Variants in ARNT observed in about 807,000 individuals in gnomAD.
ARNT encodes class E basic helix-loop-helix protein 2.
Under a neutral mutation model 105.0 loss-of-function variants are expected in ARNT, and 30 were observed. The ratio of observed to expected loss-of-function variants is 0.29; its 90% CI spans 0.21 to 0.39. ARNT has a LOEUF of 0.39. Among genes scored for constraint, ARNT ranks in the 10% least tolerant of loss-of-function variants. The pLI, the probability that ARNT is intolerant of heterozygous loss-of-function variation, is 1.00. For missense variants in ARNT, 748 were observed against 978.7 expected, an observed-to-expected ratio of 0.76 and a Z score of 3.15; for synonymous variants, 304 against 344.0, an observed-to-expected ratio of 0.88 and a Z score of 1.29.
intron 1 of ARNT, among the ~76,000 whole-genome samples, chr1:150,870,804 C>T (rs1205174949): frequency 6.6e-6 from 1 of 151,992 alleles, no homozygotes; most frequent in Non-Finnish European, 1.5e-5. Flanking sequence ...CCACCATGTC[C>T]AGCCCTAAGT....
At position 150,817,780 on chromosome 1, in the gene ARNT, TCCAGCCTGAGCAA is replaced by T. The variant is rs1162899348; in HGVS notation, c.1505+127_1505+139del. The T allele has an allele frequency of 5.1e-5, 34 of 669,010 alleles. No individual in the cohort carries two copies. The East Asian group carries it at 7.5e-4, about 15-fold the overall frequency. The allele number at this position is 669,010 out of a possible 1,614,324, so 41.4% of individuals were successfully genotyped here. On this transcript the variant is annotated intron_variant, in intron 15 of 21. Transcript: ENST00000358595. Reference sequence around the variant, plus strand: ...GCCTAGATCGTGCCATTGTATTCCATCCAGCCTGAGCAATGAGAGCAAAACTCCTTCTCAAAAA... The same window carrying T: ...GCCTAGATCGTGCCATTGTATTCCATTGAGAGCAAAACTCCTTCTCAAAAA...
chr1:150,875,285 A>G (rs1458892404), intron 1 of ARNT, among the ~76,000 whole-genome samples: 3 of 152,220 alleles, frequency 2.0e-5, no homozygotes, highest in Non-Finnish European at 4.4e-5. Flanking sequence ...GATTAAAAAA[A>G]AATGACGTGA....
intron 5 of ARNT, among the ~76,000 whole-genome samples, chr1:150,840,112 G>C (rs897185122): frequency 6.6e-6 from 1 of 152,068 alleles, no homozygotes; most frequent in African/African-American, 2.4e-5. Context: ...ACAGTGGCAT[G>C]CATCTGTAAT....
intron 2 of ARNT, among the ~76,000 whole-genome samples, chr1:150,856,320 G>A (rs1396705308): frequency 6.6e-6 from 1 of 152,074 alleles, no homozygotes; most frequent in East Asian, 1.9e-4. Context: ...GGCGCCTGTA[G>A]TCCCAGCTAC....
intron 4 of ARNT, among the ~76,000 whole-genome samples, chr1:150,842,989 TATA>T (rs1307885029): frequency 1.3e-5 from 2 of 152,082 alleles, no homozygotes; most frequent in Non-Finnish European, 2.9e-5. Flanking sequence ...TGATGACAAA[TATA>T]ATCTCTCTCC....
rs758403177 is a variant in ARNT, at chr1:150,816,289, G to T, written c.1920C>A (p.Thr640=). 30 of 1,607,696 alleles carry T rather than the reference G, an allele frequency of 1.9e-5. No individual in the cohort carries two copies. Among genetic ancestry groups the T allele is most frequent in the Non-Finnish European group, 2.5e-5 (29 of 1,178,138 alleles). ...CAGAAAAGCCTGAGCGGGTAGTAGG[G>T]GTCCAAGTTGGGGTTGCTCCTTGGG... ...NPTQGATPTW[T]PTTRSGFSAQ... The change falls in exon 19 of 22, where the codon ACC becomes ACA. Residue 640 remains threonine (T), a synonymous_variant. Transcript: ENST00000358595.
At position 150,846,279 on chromosome 1, in the gene ARNT, T is replaced by G. The variant is rs1422231816; in HGVS notation, c.211A>C (p.Lys71Gln). Residue 71 changes from lysine (K) to glutamine (Q), a missense_variant, in exon 4 of 22, where the codon AAG becomes CAG. By Grantham distance (53) the Lys-to-Gln change is moderately conservative. Around this residue, in one of 4 missense-constraint regions of ARNT, gnomAD observed 93 missense variants for 101.6 expected, o/e 0.92. Transcript: ENST00000358595. ...RCDDDQMSNDKERFARSDDEQ... is the reference protein window; with the variant it reads ...RCDDDQMSNDQERFARSDDEQ... ...CAATATTACCTGGCAAACCGCTCCT[T>G]ATCGTTAGACATCTGATCATCATCA... 1.2e-6 allele frequency: 2 copies of G among 1,613,616 alleles called. No individual in the cohort carries two copies. The highest frequency in any genetic ancestry group is 1.7e-6 in the Non-Finnish European group (2 of 1,179,706).
chr1:150,843,192 G>A (rs1354776390), intron 4 of ARNT, among the ~76,000 whole-genome samples: 10 of 152,118 alleles, frequency 6.6e-5, no homozygotes, highest in Non-Finnish European at 1.5e-4. Flanking sequence ...AGCCACACAG[G>A]AATGGATCAA....
intron 14 of ARNT, among the ~76,000 whole-genome samples, chr1:150,820,673 CAAAACAAAACA>C (rs1283226935): frequency 6.6e-6 from 1 of 151,750 alleles, no homozygotes; most frequent in Non-Finnish European, 1.5e-5. Context: ...CAAAACAAAA[CAAAACAAAACA>C]AAAAAACCTT....
intron 3 of ARNT, 117 bp from the exon 4 acceptor site, chr1:150,846,424 C>T (rs1197154262): frequency 2.1e-6 from 2 of 951,156 alleles, no homozygotes; most frequent in Non-Finnish European, 3.2e-6. Context: ...AATGGAAAAG[C>T]ATCACAAAGT....
chr1:150,864,765 A>T lies in ARNT; in HGVS notation c.26-6305T>A, dbSNP rs1353625522. ...TACCCTAAAACTTAAAGTATAATAA[A>T]AAATAAATAAATAAATAAATAAATA... On this transcript the variant is annotated intron_variant, in intron 1 of 21. Coordinates refer to ENST00000358595, the MANE Select transcript of ARNT (RefSeq NM_001668.4). 9.0e-3 allele frequency among the ~76,000 whole-genome samples: 1,268 copies of T among 141,534 alleles called. 9 individuals carry two copies. Among genetic ancestry groups the T allele is most frequent in the Non-Finnish European group, 0.011 (688 of 63,948 alleles). 92.9% of individuals were successfully genotyped at this position (141,534 alleles called of 152,430 possible).
At chr1:150,825,917 T>C (rs1658141845) in intron 13 of ARNT, among the ~76,000 whole-genome samples, 1 of 151,608 alleles carries the variant, frequency 6.6e-6, no homozygotes, top group South Asian at 2.1e-4. Flanking sequence ...TTTTCTTTTT[T>C]ATCTTTTTTT....
intron 1 of ARNT, among the ~76,000 whole-genome samples, chr1:150,862,024 G>T (rs1665726059): frequency 6.6e-6 from 1 of 151,988 alleles, no homozygotes; most frequent in Non-Finnish European, 1.5e-5. Flanking sequence ...ATTTACAATG[G>T]GTTTATCAAG....
chr1:150,862,967 C>A (rs751702573), intron 1 of ARNT, among the ~76,000 whole-genome samples: 88 of 150,380 alleles, frequency 5.9e-4, no homozygotes, highest in Non-Finnish European at 1.0e-3. Flanking sequence ...AGAAGAATCG[C>A]TTGAACACAA....
intron 3 of ARNT, among the ~76,000 whole-genome samples, chr1:150,848,959 T>C (rs587728184): frequency 6.6e-6 from 1 of 152,200 alleles, no homozygotes; most frequent in Non-Finnish European, 1.5e-5. Flanking sequence ...ATCCCAGCAC[T>C]TTGGGAGGCC....
intron 8 of ARNT, 93 bp from the exon 9 acceptor site, chr1:150,832,492 C>G: frequency 8.5e-7 from 1 of 1,176,474 alleles, no homozygotes; most frequent in Admixed American, 1.9e-5. Flanking sequence ...CTGGATACAA[C>G]CAGACATAGA....
intron 13 of ARNT, among the ~76,000 whole-genome samples, chr1:150,825,554 T>C (rs587678595): frequency 4.7e-4 from 72 of 152,160 alleles, no homozygotes; most frequent in African/African-American, 1.7e-3. Flanking sequence ...CACTCATCCA[T>C]AAAAGAACAG....
At chr1:150,833,231 C>T (rs1659659508) in intron 8 of ARNT, among the ~76,000 whole-genome samples, 2 of 152,204 alleles carry the variant, frequency 1.3e-5, no homozygotes, top group African/African-American at 4.8e-5. Context: ...ACGCTGGGTG[C>T]AGTGGTTCAG....
At position 150,809,803 on chromosome 1, in the gene ARNT, C is replaced by T. The variant is rs769179391; in HGVS notation, c.*2218G>A. 1.4e-5 allele frequency: 3 copies of T among 221,036 alleles called. No homozygotes were observed. The highest frequency in any genetic ancestry group is 6.7e-5 in the African/African-American group (3 of 44,562). 13.7% of individuals were successfully genotyped at this position (221,036 alleles called of 1,614,324 possible). A position where few individuals can be genotyped will look rare whatever the true frequency, so the allele number is the denominator to read the frequency against. On this transcript the variant is annotated 3_prime_UTR_variant, in exon 22 of 22. Transcript: ENST00000358595. ...GTGGTTTTCAAGTCCCGACTCTTCCCCTCTCTCCCAAGAACCCAGGCAACG... is the reference window on the plus strand; with the variant it reads ...GTGGTTTTCAAGTCCCGACTCTTCCTCTCTCTCCCAAGAACCCAGGCAACG...
Sources: allele counts gnomAD v4.1 joint callset (sites outside exome capture counted in the v4.1 genomes callset), GRCh38; gene constraint gnomAD v4.1.1; regional missense constraint gnomAD v4.1.1; transcripts MANE v1.5; gene names NCBI Gene and HGNC (gene_info 2026-07-23, HGNC 2026-07-21).